The following PTPRG variants were observed in gnomAD, a reference collection of about 807,000 sequenced individuals.
PTPRG encodes receptor-type tyrosine-protein phosphatase gamma.
Under a neutral mutation model 165.3 loss-of-function variants are expected in PTPRG, and 102 were observed. The ratio of observed to expected loss-of-function variants is 0.62; its 90% CI spans 0.53 to 0.73. PTPRG has a LOEUF of 0.73. PTPRG is among the 30% of genes least tolerant of loss of function. The probability of loss-of-function intolerance (pLI) is 0.00; values close to 1 mark genes in which losing one functional copy is unlikely to be tolerated. For missense variants in PTPRG, 1,866 were observed against 1,861.4 expected, an observed-to-expected ratio of 1.00 and a Z score of -0.05; for synonymous variants, 675 against 669.5, an observed-to-expected ratio of 1.01 and a Z score of -0.13.
chr3:61,676,471 A>AAAAAAG lies in PTPRG; in HGVS notation c.86-72404_86-72403insAAGAAA, dbSNP rs369505317. Among the ~76,000 whole-genome samples, 58 of 99,100 alleles carry AAAAAAG rather than the reference A, an allele frequency of 5.9e-4. 17 individuals carry two copies. The highest frequency in any genetic ancestry group is 2.6e-3 in the East Asian group (7 of 2,704). The allele number at this position is 99,100 out of a possible 152,430, so 65.0% of individuals were successfully genotyped here. On this transcript the variant is annotated intron_variant, in intron 1 of 29. Transcript: ENST00000474889. ...GACTCCATCTCAAAAAAAAAAAAAA[A>AAAAAAG]AAAGAAAATTACTAAAGTCTGTGAA... is the stretch of plus-strand genomic sequence containing the variant.
chr3:62,231,274 G>A lies in PTPRG; in HGVS notation c.2338G>A (p.Val780Met). ...GGGCTTTCCCAGACGTTTCCGTGAAGTGCCTTCTTCTGGGGAGAGAGGAGA... is the reference window on the plus strand; with the variant it reads ...GGGCTTTCCCAGACGTTTCCGTGAAATGCCTTCTTCTGGGGAGAGAGGAGA... The part of the protein sequence containing the change: ...SKGFPRRFRE[V>M]PSSGERGEKG... Residue 780 changes from valine (V) to methionine (M), a missense_variant, in exon 14 of 30, where the codon GTG becomes ATG. Coordinates refer to ENST00000474889, the MANE Select transcript of PTPRG (RefSeq NM_002841.4). 12 of 1,597,332 alleles carry A rather than the reference G, an allele frequency of 7.5e-6. No homozygotes were observed. Among genetic ancestry groups the A allele is most frequent in the Non-Finnish European group, 1.0e-5 (12 of 1,171,684 alleles).
chr3:61,909,308 C>G (rs987055078), intron 2 of PTPRG, among the ~76,000 whole-genome samples: 1 of 152,120 alleles, frequency 6.6e-6, no homozygotes. Flanking sequence ...TTTCAGCTAG[C>G]TAATATGAAT....
chr3:61,622,354 G>T (rs1265226809), intron 1 of PTPRG, among the ~76,000 whole-genome samples: 4 of 152,272 alleles, frequency 2.6e-5, no homozygotes, highest in Non-Finnish European at 2.9e-5. Context: ...TTTCAGGAAG[G>T]AGAGTTTGCT....
intron 5 of PTPRG, among the ~76,000 whole-genome samples, chr3:62,089,337 G>A (rs1320979622): frequency 1.3e-5 from 2 of 152,246 alleles, no homozygotes; most frequent in South Asian, 2.1e-4. Flanking sequence ...TTATTTGTCC[G>A]TGTGAGACTT....
chr3:61,643,224 T>C (rs928360557), intron 1 of PTPRG, among the ~76,000 whole-genome samples: 7 of 151,958 alleles, frequency 4.6e-5, no homozygotes, highest in Non-Finnish European at 8.8e-5. Flanking sequence ...CACAAGTTCA[T>C]TTCTAGCCTG....
At chr3:61,694,026 AGAGAGAGAG>A (rs1481737025) in intron 1 of PTPRG, among the ~76,000 whole-genome samples, 1 of 112,952 alleles carries the variant, frequency 8.9e-6, no homozygotes, top group Non-Finnish European at 1.9e-5. Flanking sequence ...AAAAAAAAAA[AGAGAGAGAG>A]AGAGAGAGGG....
At chr3:61,607,749 C>G (rs2106864222) in intron 1 of PTPRG, among the ~76,000 whole-genome samples, 1 of 152,180 alleles carries the variant, frequency 6.6e-6, no homozygotes, top group African/African-American at 2.4e-5. Context: ...TTCAGTGGGT[C>G]TCTGTGATGG....
intron 29 of PTPRG, 145 bp from the exon 30 acceptor site, chr3:62,293,012 ATTTT>A (rs373917788): frequency 1.6e-6 from 1 of 610,826 alleles, no homozygotes; most frequent in Non-Finnish European, 2.6e-6. Context: ...AATTCAAATG[ATTTT>A]TTTTTTAGTT....
Position 62,195,860 on chromosome 3 carries a change from G to A in PTPRG, c.1327+690G>A, listed in dbSNP as rs769689353. 2.6e-5 allele frequency among the ~76,000 whole-genome samples: 4 copies of A among 152,036 alleles called. No individual in the cohort carries two copies. Among genetic ancestry groups the A allele is most frequent in the Non-Finnish European group, 5.9e-5 (4 of 68,000 alleles). On this transcript the variant is annotated intron_variant, in intron 10 of 29. Coordinates refer to ENST00000474889, the MANE Select transcript of PTPRG (RefSeq NM_002841.4). This position sits in a 1 kb window ranked among gnomAD's most constrained non-coding sequence, Gnocchi z 4.4. ...CCAAGCTGGAGTGCAGTGGGGTGGT[G>A]TTGGCTCACTGCAACCTCTGCCTCC...
intron 1 of PTPRG, among the ~76,000 whole-genome samples, chr3:61,686,766 G>A (rs537510330): frequency 1.5e-4 from 23 of 152,118 alleles, no homozygotes; most frequent in Non-Finnish European, 3.1e-4. Context: ...TCTGTATATC[G>A]AAATCTCTAT....
chr3:61,911,511 T>G (rs2038803755), intron 2 of PTPRG, among the ~76,000 whole-genome samples: 1 of 152,214 alleles, frequency 6.6e-6, no homozygotes, highest in Non-Finnish European at 1.5e-5. Flanking sequence ...TCTTGTTGAT[T>G]GAATAAATAT....
chr3:62,226,746 C>T (rs1374054394), intron 13 of PTPRG, among the ~76,000 whole-genome samples: 1 of 152,216 alleles, frequency 6.6e-6, no homozygotes, highest in African/African-American at 2.4e-5. Flanking sequence ...AAGGATTTCA[C>T]ACTCTGATCT....
intron 4 of PTPRG, among the ~76,000 whole-genome samples, chr3:62,049,418 A>G (rs1700400527): frequency 6.6e-6 from 1 of 152,204 alleles, no homozygotes; most frequent in Non-Finnish European, 1.5e-5. Context: ...TCTGTTAAAA[A>G]TGTCTTTCCC....
At chr3:62,093,493 C>T (rs968715308) in intron 5 of PTPRG, among the ~76,000 whole-genome samples, 5 of 152,150 alleles carry the variant, frequency 3.3e-5, no homozygotes, top group Non-Finnish European at 2.9e-5. Flanking sequence ...TGGAGGGGAG[C>T]GTGGTCATTT....
At chr3:62,293,069 T>G (rs1293337626) in intron 29 of PTPRG, 92 bp from the exon 30 acceptor site, 2 of 1,153,592 alleles carry the variant, frequency 1.7e-6, no homozygotes, top group Non-Finnish European at 2.4e-6. Context: ...TCTAGTGTGT[T>G]TTTCACAATT....
intron 12 of PTPRG, among the ~76,000 whole-genome samples, chr3:62,211,613 T>A (rs1320633713): frequency 6.6e-6 from 1 of 152,210 alleles, no homozygotes; most frequent in African/African-American, 2.4e-5. Context: ...TTCCCCACGA[T>A]GGAAACAGGC....
At chr3:62,286,486 G>A (rs1288021687) in intron 28 of PTPRG, among the ~76,000 whole-genome samples, 1 of 151,892 alleles carries the variant, frequency 6.6e-6, no homozygotes, top group Non-Finnish European at 1.5e-5. Context: ...AGTGAAAATG[G>A]TTAAATGCTC....
intron 1 of PTPRG, among the ~76,000 whole-genome samples, chr3:61,655,083 G>A (rs189737554): frequency 1.3e-5 from 2 of 152,088 alleles, no homozygotes; most frequent in East Asian, 3.9e-4. Flanking sequence ...CACCGCACCC[G>A]GCCACCTGCG....
chr3:61,676,547 TTCAC>T (rs1302209883), intron 1 of PTPRG, among the ~76,000 whole-genome samples: 9 of 151,668 alleles, frequency 5.9e-5, no homozygotes, highest in South Asian at 2.1e-4. Context: ...ATATTTTACT[TTCAC>T]ACACACACAA....
Sources: allele counts gnomAD v4.1 joint callset (sites outside exome capture counted in the v4.1 genomes callset), GRCh38; gene constraint gnomAD v4.1.1; non-coding constraint Gnocchi (gnomAD v3.1); transcripts MANE v1.5; gene names NCBI Gene and HGNC (gene_info 2026-07-23, HGNC 2026-07-21).